Variants in CACNB2 observed in about 807,000 individuals in gnomAD.
CACNB2 encodes voltage-dependent L-type calcium channel subunit beta-2.
Under a neutral mutation model 73.3 loss-of-function variants are expected in CACNB2, and 42 were observed. The ratio of observed to expected loss-of-function variants is 0.57; its 90% CI spans 0.45 to 0.74. The LOEUF (loss-of-function observed/expected upper bound fraction) is 0.74. Among genes scored for constraint, CACNB2 ranks in the 30% least tolerant of loss-of-function variants. The pLI is 0.00. For synonymous variants in CACNB2, 348 were observed against 310.3 expected (o/e 1.12, Z -1.28); for missense variants, 940 against 853.0 (o/e 1.10, Z -1.27).
intron 3 of CACNB2, among the ~76,000 whole-genome samples, chr10:18,476,735 G>A (rs970770021): frequency 6.6e-6 from 1 of 152,178 alleles, no homozygotes; most frequent in Non-Finnish European, 1.5e-5. Flanking sequence ...TTCAGAGGCA[G>A]AGCATGGTAG....
At chr10:18,277,377 A>C (rs1445066452) in intron 2 of CACNB2, among the ~76,000 whole-genome samples, 1 of 152,248 alleles carries the variant, frequency 6.6e-6, no homozygotes, top group African/African-American at 2.4e-5. Flanking sequence ...CTTATGGTCC[A>C]GCTTTTCTGA....
rs75404998 is a variant in CACNB2, at chr10:18,283,158, A to T, written c.214-118766A>T. On this transcript the variant is annotated intron_variant, in intron 2 of 13. Transcript: ENST00000324631. ...ACCAGTTAGATGGCAATCATTAAAA[A>T]GTCAGGAAACAACAGGTGCTAGAGA... 2.3e-3 allele frequency among the ~76,000 whole-genome samples: 355 copies of T among 152,342 alleles called. 11 individuals carry two copies. In the East Asian group the frequency reaches 0.053, roughly 23 times the overall value.
intron 2 of CACNB2, among the ~76,000 whole-genome samples, chr10:18,400,142 T>G (rs944550236): frequency 2.0e-5 from 3 of 152,202 alleles, no homozygotes; most frequent in African/African-American, 7.2e-5. Flanking sequence ...GTGTCCTAAT[T>G]AAATGGCCAC....
rs1564599132 is a variant in CACNB2 at position 18,481,203 on chromosome 10, TATATATATATATATATATA to T, written c.334-17151_334-17133del. 1.4e-3 allele frequency among the ~76,000 whole-genome samples: 22 copies of T among 15,588 alleles called. 3 individuals carry two copies. Among genetic ancestry groups the T allele is most frequent in the African/African-American group, 1.6e-3 (7 of 4,300 alleles). 10.2% of individuals were successfully genotyped at this position (15,588 alleles called of 152,430 possible). A position where few individuals can be genotyped will look rare whatever the true frequency, so the allele number is the denominator to read the frequency against. ...ATATTACATCTTCGCTATATATATA[TATATATATATATATATATA>T]TATATATATTTTTTTTTTTTTTTTT... On this transcript the variant is annotated intron_variant, in intron 3 of 13. Transcript: ENST00000324631.
At chr10:18,281,448 A>C (rs973474668) in intron 2 of CACNB2, among the ~76,000 whole-genome samples, 1 of 152,200 alleles carries the variant, frequency 6.6e-6, no homozygotes, top group Non-Finnish European at 1.5e-5. Flanking sequence ...GACAACTAAC[A>C]AGCCTGAATG....
intron 2 of CACNB2, among the ~76,000 whole-genome samples, chr10:18,175,272 G>C (rs949546338): frequency 4.6e-5 from 7 of 152,140 alleles, no homozygotes; most frequent in Non-Finnish European, 7.3e-5. Context: ...GTACCAGTTT[G>C]GTACTGAGGC....
intron 6 of CACNB2, among the ~76,000 whole-genome samples, chr10:18,510,788 G>C (rs1206032495): frequency 6.6e-6 from 1 of 152,148 alleles, no homozygotes; most frequent in Non-Finnish European, 1.5e-5. Context: ...TGGTCTTTAT[G>C]AGCCCAATAA....
chr10:18,222,689 C>G (rs555176678), intron 2 of CACNB2, among the ~76,000 whole-genome samples: 1 of 152,198 alleles, frequency 6.6e-6, no homozygotes, highest in African/African-American at 2.4e-5. Context: ...GTAATCCCAG[C>G]ACTTTGGGAG....
intron 2 of CACNB2, among the ~76,000 whole-genome samples, chr10:18,306,065 A>C (rs1588995680): frequency 6.6e-6 from 1 of 152,206 alleles, no homozygotes; most frequent in Admixed American, 6.5e-5. Context: ...AGAACATTTC[A>C]GGAGGAAGAG....
intron 6 of CACNB2, among the ~76,000 whole-genome samples, chr10:18,511,385 G>C (rs528485560): frequency 6.6e-6 from 1 of 152,236 alleles, no homozygotes; most frequent in South Asian, 2.1e-4. Context: ...TTTTCAAAAG[G>C]CTGCTTCATT....
intron 4 of CACNB2, among the ~76,000 whole-genome samples, chr10:18,500,193 A>G (rs2050118181): frequency 6.6e-6 from 1 of 152,352 alleles, no homozygotes; most frequent in South Asian, 2.1e-4. Flanking sequence ...AACAGAATGT[A>G]TATTCTTCTT....
intron 2 of CACNB2, among the ~76,000 whole-genome samples, chr10:18,262,169 A>T (rs1220754712): frequency 6.6e-6 from 1 of 152,206 alleles, no homozygotes; most frequent in Non-Finnish European, 1.5e-5. Flanking sequence ...TGACAAAGCA[A>T]GCTAATCAAT....
rs531449429 is a variant in CACNB2, at chr10:18,530,828, G to C, written c.1054+3131G>C. Among the ~76,000 whole-genome samples the C allele has an allele frequency of 8.5e-5, 13 of 152,226 alleles. No individual in the cohort carries two copies. The South Asian group carries it at 2.7e-3, about 32-fold the overall frequency. On this transcript the variant is annotated intron_variant, in intron 10 of 13. Transcript: ENST00000324631. ...GTCCTCATTTCCGTAATACAGATTA[G>C]AATACTTAGGTTCTAAGAGGTTCAA...
intron 3 of CACNB2, among the ~76,000 whole-genome samples, chr10:18,439,116 A>G (rs548343906): frequency 3.9e-5 from 6 of 152,358 alleles, no homozygotes; most frequent in African/African-American, 1.4e-4. Context: ...AACATTTTAC[A>G]TGCACTGGAG....
At chr10:18,514,045 C>A (rs1424394145) in intron 6 of CACNB2, among the ~76,000 whole-genome samples, 191 bp from the exon 7 acceptor site, 2 of 152,158 alleles carry the variant, frequency 1.3e-5, no homozygotes, top group Admixed American at 1.3e-4. Context: ...GTGTATCTTT[C>A]AGTTTCATTA....
intron 5 of CACNB2, among the ~76,000 whole-genome samples, chr10:18,502,188 T>G (rs1168054915): frequency 6.6e-6 from 1 of 152,048 alleles, no homozygotes; most frequent in Non-Finnish European, 1.5e-5. Context: ...GAGCCTGTAA[T>G]CCTAGCTACT....
intron 6 of CACNB2, among the ~76,000 whole-genome samples, chr10:18,509,177 G>A (rs970574118): frequency 1.3e-5 from 2 of 152,290 alleles, no homozygotes; most frequent in African/African-American, 4.8e-5. Flanking sequence ...CAGAAAGCTC[G>A]AAAGAGAAGT....
intron 2 of CACNB2, among the ~76,000 whole-genome samples, chr10:18,179,122 G>T: frequency 6.6e-6 from 1 of 152,144 alleles, no homozygotes; most frequent in East Asian, 1.9e-4. Flanking sequence ...TTATTGCAAT[G>T]TAAACTAAAC....
intron 2 of CACNB2, among the ~76,000 whole-genome samples, chr10:18,192,111 A>T (rs758153366): frequency 2.0e-5 from 3 of 151,700 alleles, no homozygotes; most frequent in Non-Finnish European, 4.4e-5. Flanking sequence ...GTCTCCTCTG[A>T]TCTCCAGCAA....
Sources: gnomAD v4.1 joint callset for allele counts (sites outside exome capture counted in the v4.1 genomes callset) on GRCh38, gnomAD v4.1.1 for gene constraint, MANE v1.5 for transcripts, NCBI Gene and HGNC (gene_info 2026-07-23, HGNC 2026-07-21) for gene names.